LRCH1: variants seen among roughly 807,000 people sequenced by gnomAD.
LRCH1 encodes the protein leucine rich repeats and calponin homology domain containing 1.
Under a neutral mutation model 94.9 loss-of-function variants are expected in LRCH1, and 23 were observed. That is an observed-to-expected ratio of 0.24 (90% CI 0.17 to 0.34). LRCH1 has a LOEUF of 0.34. LRCH1 is among the 10% of genes least tolerant of loss of function. The pLI, the probability that LRCH1 is intolerant of heterozygous loss-of-function variation, is 1.00. For missense variants in LRCH1, 790 were observed against 945.9 expected (o/e 0.84, Z 2.16); for synonymous variants, 364 against 354.9 (o/e 1.03, Z -0.29).
intron 18 of LRCH1, 90 bp from the exon 19 acceptor site, chr13:46,733,831 T>C: frequency 1.4e-6 from 1 of 707,366 alleles, no homozygotes; most frequent in Non-Finnish European, 2.3e-6. Flanking sequence ...ATGTATTGCT[T>C]GTGCCATTTG....
rs535726118 is a variant in LRCH1, at chr13:46,665,757, C to T, written c.453-3273C>T. ...CTTATTTTCAAACGTTCTTTCAGCA[C>T]AGAGCCAGTTTATAGCACCAAGGCT... On this transcript the variant is annotated intron_variant, in intron 2 of 19. Transcript: ENST00000389797. Among the ~76,000 whole-genome samples, 108 of 152,254 alleles carry T rather than the reference C, an allele frequency of 7.1e-4. 1 individual carries two copies. Among genetic ancestry groups the T allele is most frequent in the Middle Eastern group, 3.4e-3 (1 of 294 alleles).
intron 4 of LRCH1, among the ~76,000 whole-genome samples, chr13:46,685,566 T>C (rs1870562958): frequency 6.6e-6 from 1 of 152,144 alleles, no homozygotes; most frequent in Non-Finnish European, 1.5e-5. Flanking sequence ...AGTTTGAAGT[T>C]AAAACATAAA....
At chr13:46,634,342 C>A (rs1199596824) in intron 1 of LRCH1, among the ~76,000 whole-genome samples, 1 of 152,234 alleles carries the variant, frequency 6.6e-6, no homozygotes, top group East Asian at 1.9e-4. Flanking sequence ...CCTTTCTGTG[C>A]CACCCATCTT....
intron 7 of LRCH1, among the ~76,000 whole-genome samples, chr13:46,690,563 TA>T (rs1441041629): frequency 6.6e-6 from 1 of 152,208 alleles, no homozygotes; most frequent in Non-Finnish European, 1.5e-5. Flanking sequence ...AATATCATTC[TA>T]AAAGGAGCCC....
intron 17 of LRCH1, among the ~76,000 whole-genome samples, chr13:46,726,862 C>CAAAAAA (rs71077918): frequency 3.8e-5 from 3 of 78,016 alleles, no homozygotes; most frequent in Admixed American, 1.7e-4. Flanking sequence ...AGAGCAGTGT[C>CAAAAAA]AAAAAAAAAA....
At chr13:46,602,958 A>ACATGCATACATACATG (rs1247652000) in intron 1 of LRCH1, among the ~76,000 whole-genome samples, 1 of 90,820 alleles carries the variant, frequency 1.1e-5, no homozygotes, top group Non-Finnish European at 2.2e-5. Flanking sequence ...ACAAATACAT[A>ACATGCATACATACATG]CATGCATACA....
intron 1 of LRCH1, among the ~76,000 whole-genome samples, chr13:46,607,578 C>CTTCTCCTTCTCCTTT (rs944440528): frequency 6.6e-6 from 1 of 151,748 alleles, no homozygotes; most frequent in African/African-American, 2.4e-5. Context: ...ATTCATTGTT[C>CTTCTCCTTCTCCTTT]TTCTCCTTCT....
At chr13:46,700,297 A>G (rs1187428693) in intron 10 of LRCH1, among the ~76,000 whole-genome samples, 1 of 152,156 alleles carries the variant, frequency 6.6e-6, no homozygotes, top group Non-Finnish European at 1.5e-5. Context: ...CCTTACAGAA[A>G]GTCATTGGCT....
Position 46,743,615 on chromosome 13 carries a change from CCA to C in LRCH1, c.*1768_*1769del. On this transcript the variant is annotated 3_prime_UTR_variant, in exon 20 of 20. Transcript: ENST00000389797. ...GTGATTATTCCAAGTTTTTATCAGC[CCA>C]TTGATACATGTATTCATGAGCTCTC... is the stretch of plus-strand genomic sequence containing the variant. 1 of 985,256 alleles carries C rather than the reference CCA, an allele frequency of 1.0e-6. No homozygotes were observed. Among genetic ancestry groups the C allele is most frequent in the Non-Finnish European group, 1.2e-6 (1 of 829,764 alleles). The allele number at this position is 985,256 out of a possible 1,614,324, so 61.0% of individuals were successfully genotyped here. A position where few individuals can be genotyped will look rare whatever the true frequency, so the allele number is the denominator to read the frequency against.
At chr13:46,571,501 G>T (rs1414385268) in intron 1 of LRCH1, among the ~76,000 whole-genome samples, 3 of 152,212 alleles carry the variant, frequency 2.0e-5, no homozygotes, top group African/African-American at 2.4e-5. Context: ...TTTTCTCGAA[G>T]CGGGCTAGGC....
intron 1 of LRCH1, among the ~76,000 whole-genome samples, chr13:46,637,318 T>A (rs2051103845): frequency 6.6e-6 from 1 of 152,174 alleles, no homozygotes; most frequent in Non-Finnish European, 1.5e-5. Context: ...CTGCCCTAGA[T>A]TCCAAACACA....
At chr13:46,595,867 G>GCTT (rs2050555898) in intron 1 of LRCH1, among the ~76,000 whole-genome samples, 1 of 146,436 alleles carries the variant, frequency 6.8e-6, no homozygotes, top group Non-Finnish European at 1.5e-5. Flanking sequence ...GCCTCACATT[G>GCTT]TTTTTTTTTT....
intron 16 of LRCH1, among the ~76,000 whole-genome samples, chr13:46,718,388 G>T (rs1306295353): frequency 6.6e-6 from 1 of 152,132 alleles, no homozygotes; most frequent in Non-Finnish European, 1.5e-5. Flanking sequence ...GGATATAAGA[G>T]GCTTTTTAGT....
At chr13:46,671,251 C>A (rs1342216705) in intron 3 of LRCH1, among the ~76,000 whole-genome samples, 1 of 152,232 alleles carries the variant, frequency 6.6e-6, no homozygotes, top group African/African-American at 2.4e-5. Flanking sequence ...CCCAGATCCT[C>A]CAAGCCTGAG....
intron 1 of LRCH1, among the ~76,000 whole-genome samples, chr13:46,648,265 G>C (rs1053793280): frequency 6.6e-6 from 1 of 152,172 alleles, no homozygotes; most frequent in Non-Finnish European, 1.5e-5. Flanking sequence ...GATCTGACAG[G>C]AGGCGGAGCT....
At chr13:46,607,527 G>A (rs2050700635) in intron 1 of LRCH1, among the ~76,000 whole-genome samples, 1 of 152,118 alleles carries the variant, frequency 6.6e-6, no homozygotes, top group Non-Finnish European at 1.5e-5. Context: ...GTGCATAAAT[G>A]ATGAATAAAT....
intron 1 of LRCH1, among the ~76,000 whole-genome samples, chr13:46,583,470 C>T (rs2137946080): frequency 6.6e-6 from 1 of 152,350 alleles, no homozygotes; most frequent in Non-Finnish European, 1.5e-5. Flanking sequence ...TATTCTCTTG[C>T]TCTTTAACTT....
rs537444838 is a variant in LRCH1 at position 46,744,623 on chromosome 13, T to C, written c.*2775T>C. On this transcript the variant is annotated 3_prime_UTR_variant, in exon 20 of 20. Coordinates refer to ENST00000389797, the MANE Select transcript of LRCH1 (RefSeq NM_001164211.2). The stretch of plus-strand genomic sequence containing the variant: ...AAAGGCACTTGATAGCCTGCTGCTA[T>C]TTGTTTGTAAGAAATTAAAACTAGC... 1.0e-6 allele frequency: 1 copy of C among 985,422 alleles called. No homozygotes were observed. Among genetic ancestry groups the C allele is most frequent in the African/African-American group, 1.7e-5 (1 of 57,352 alleles). 61.0% of individuals were successfully genotyped at this position (985,422 alleles called of 1,614,324 possible).
rs562720824 is a variant in LRCH1 at position 46,625,639 on chromosome 13, T to G, written c.308-24562T>G. On this transcript the variant is annotated intron_variant, in intron 1 of 19. Coordinates refer to ENST00000389797, the MANE Select transcript of LRCH1 (RefSeq NM_001164211.2). Reference sequence around the variant, plus strand: ...GAGAAATAAATGTGTGGGGTTTTTTTTTTTTTTTTTTTTTGGTCTTGTTTG... The same window carrying G: ...GAGAAATAAATGTGTGGGGTTTTTTGTTTTTTTTTTTTTTGGTCTTGTTTG... Among the ~76,000 whole-genome samples, 7 of 150,066 alleles carry G rather than the reference T, an allele frequency of 4.7e-5. 1 individual carries two copies. Among genetic ancestry groups the G allele is most frequent in the South Asian group, 4.3e-4 (2 of 4,704 alleles).
Sources: allele counts gnomAD v4.1 joint callset (sites outside exome capture counted in the v4.1 genomes callset), GRCh38; gene constraint gnomAD v4.1.1; transcripts MANE v1.5; gene names NCBI Gene and HGNC (gene_info 2026-07-23, HGNC 2026-07-21).